NTN1: variants seen among roughly 807,000 people sequenced by gnomAD.
NTN1 encodes the protein netrin 1, also known as netrin-1.
Under a neutral mutation model 54.2 loss-of-function variants are expected in NTN1, and 11 were observed. That is an observed-to-expected ratio of 0.20 (90% CI 0.13 to 0.34). NTN1 has a LOEUF of 0.34. Among genes scored for constraint, NTN1 ranks in the 10% least tolerant of loss-of-function variants. The probability of loss-of-function intolerance (pLI) is 1.00; values close to 1 mark genes in which losing one functional copy is unlikely to be tolerated. For missense variants in NTN1, 740 were observed against 893.1 expected (o/e 0.83, Z 2.18); for synonymous variants, 371 against 382.0 (o/e 0.97, Z 0.33).
At chr17:9,044,150 T>C (rs1236737200) in intron 2 of NTN1, among the ~76,000 whole-genome samples, 5 of 152,194 alleles carry the variant, frequency 3.3e-5, no homozygotes, top group African/African-American at 1.2e-4. Context: ...CTGGAGTTAT[T>C]TATGAATTGG....
chr17:9,100,141 G>A (rs2092144940), intron 2 of NTN1, among the ~76,000 whole-genome samples: 1 of 150,656 alleles, frequency 6.6e-6, no homozygotes, highest in South Asian at 2.1e-4. Context: ...GAAGTTATTC[G>A]AAACATCTTG....
chr17:9,150,100 G>A (rs746639852), intron 2 of NTN1, among the ~76,000 whole-genome samples: 1 of 152,176 alleles, frequency 6.6e-6, no homozygotes, highest in Non-Finnish European at 1.5e-5. Flanking sequence ...CTACTTGGGA[G>A]GCTGAGGCAG....
chr17:9,078,057 T>TATCCATCCATCCATCC (rs111350777), intron 2 of NTN1, among the ~76,000 whole-genome samples: 1 of 151,522 alleles, frequency 6.6e-6, no homozygotes, highest in Non-Finnish European at 1.5e-5. Context: ...CCCATCCATC[T>TATCCATCCATCCATCC]ATCCATCCAT....
chr17:9,100,767 T>C (rs1299423485), intron 2 of NTN1, among the ~76,000 whole-genome samples: 1 of 151,880 alleles, frequency 6.6e-6, no homozygotes, highest in East Asian at 1.9e-4. Flanking sequence ...TTTCTATTTA[T>C]AGAGTTTTTT....
At chr17:9,127,076 G>GA (rs981472648) in intron 2 of NTN1, among the ~76,000 whole-genome samples, 12 of 146,460 alleles carry the variant, frequency 8.2e-5, no homozygotes, top group South Asian at 2.4e-4. Flanking sequence ...AGGGCCGGGG[G>GA]GGGGCAGGAC....
intron 2 of NTN1, among the ~76,000 whole-genome samples, chr17:9,119,176 A>AT (rs1555569564): frequency 6.0e-5 from 9 of 150,036 alleles, no homozygotes; most frequent in Non-Finnish European, 1.3e-4. Flanking sequence ...TTAAAAATGT[A>AT]TTATTTATTT....
chr17:9,125,157 G>T (rs887664100), intron 2 of NTN1, among the ~76,000 whole-genome samples: 2 of 151,984 alleles, frequency 1.3e-5, no homozygotes, highest in African/African-American at 4.8e-5. Context: ...AACCAGGTGG[G>T]CTCAAGCAGT....
chr17:9,063,791 G>C (rs540265474), intron 2 of NTN1, among the ~76,000 whole-genome samples: 1 of 150,680 alleles, frequency 6.6e-6, no homozygotes, highest in Non-Finnish European at 1.5e-5. Context: ...CTCGTGATCC[G>C]CCCGCCTCGG....
intron 6 of NTN1, among the ~76,000 whole-genome samples, chr17:9,230,455 C>CT (rs34827100): frequency 0.78 from 116,941 of 150,724 alleles, 45,502 homozygotes; most frequent in East Asian, 0.85. Flanking sequence ...GTGACCCCCC[C>CT]CCCGAGTGCC....
At position 9,212,947 on chromosome 17, in the gene NTN1, G is replaced by A. The variant is rs1004986066; in HGVS notation, c.1412-8221G>A. On this transcript the variant is annotated intron_variant, in intron 5 of 6. Coordinates refer to ENST00000173229, the MANE Select transcript of NTN1 (RefSeq NM_004822.3). The surrounding 1 kb of genome is among the most constrained non-coding windows in gnomAD (Gnocchi z 5.5). ...GCTCAGAGATGAGCCTCGATCCGGC[G>A]AGCAGGCCGGCTCAGCAGGATTTTG... Among the ~76,000 whole-genome samples the A allele has an allele frequency of 1.3e-5, 2 of 152,336 alleles. No homozygotes were observed. Among genetic ancestry groups the A allele is most frequent in the East Asian group, 1.9e-4 (1 of 5,172 alleles).
At chr17:9,184,574 C>G (rs192074527) in intron 5 of NTN1, among the ~76,000 whole-genome samples, 1 of 152,180 alleles carries the variant, frequency 6.6e-6, no homozygotes, top group Non-Finnish European at 1.5e-5. Flanking sequence ...GTGCACACCG[C>G]GGGGGGCTGA....
intron 5 of NTN1, among the ~76,000 whole-genome samples, chr17:9,196,133 G>A (rs1904628513): frequency 6.6e-6 from 1 of 152,200 alleles, no homozygotes; most frequent in African/African-American, 2.4e-5. Flanking sequence ...TGTGCTGCCA[G>A]CAGCTGGGCA....
intron 2 of NTN1, among the ~76,000 whole-genome samples, chr17:9,066,487 G>A (rs542380709): frequency 1.3e-5 from 2 of 152,022 alleles, no homozygotes; most frequent in East Asian, 1.9e-4. Context: ...AATTAGCCAG[G>A]TGTGGTGGTG....
chr17:9,210,582 C>T (rs955094740), intron 5 of NTN1, among the ~76,000 whole-genome samples: 1 of 152,112 alleles, frequency 6.6e-6, no homozygotes, highest in African/African-American at 2.4e-5. Flanking sequence ...AGGATTCCCA[C>T]CCCTTGTAAG....
intron 6 of NTN1, among the ~76,000 whole-genome samples, chr17:9,233,509 G>A (rs1410989340): frequency 6.6e-6 from 1 of 152,012 alleles, no homozygotes; most frequent in Non-Finnish European, 1.5e-5. Context: ...CTGGGGTGGT[G>A]ACAATGCAGG....
rs1032179135 is a variant in NTN1, at chr17:9,121,126, A to G, written c.1019-41687A>G. Among the ~76,000 whole-genome samples the G allele has an allele frequency of 3.0e-3, 449 of 152,024 alleles. 2 individuals carry two copies. The highest frequency in any genetic ancestry group is 0.01 in the African/African-American group (435 of 41,466). ...GGAAGCGGATGGCCCTGTCGGGGGG[A>G]GAGCTGGATGTCATCATTAAAAATC... On this transcript the variant is annotated intron_variant, in intron 2 of 6. Coordinates refer to ENST00000173229, the MANE Select transcript of NTN1 (RefSeq NM_004822.3).
At chr17:9,227,516 CCACACACATCAAACACAGATACACCAT>C (rs1237788696) in intron 6 of NTN1, among the ~76,000 whole-genome samples, 3 of 150,604 alleles carry the variant, frequency 2.0e-5, no homozygotes, top group Non-Finnish European at 4.4e-5. Context: ...ATCACACACA[CCACACACATCAAACACAGATACACCAT>C]CACACACAGG....
chr17:9,181,706 A>T (rs2092419384), intron 4 of NTN1, among the ~76,000 whole-genome samples: 1 of 152,172 alleles, frequency 6.6e-6, no homozygotes, highest in Admixed American at 6.5e-5. Flanking sequence ...GTCCTAGCTC[A>T]TCTAGAATCT....
At chr17:9,226,052 G>A (rs1270717833) in intron 6 of NTN1, among the ~76,000 whole-genome samples, 2 of 152,010 alleles carry the variant, frequency 1.3e-5, no homozygotes, top group African/African-American at 2.4e-5. Flanking sequence ...GGGCCTGTGG[G>A]CTCGGGGCGC....
Sources: gnomAD v4.1 joint callset for allele counts (sites outside exome capture counted in the v4.1 genomes callset) on GRCh38, gnomAD v4.1.1 for gene constraint, Gnocchi (gnomAD v3.1) non-coding constraint, MANE v1.5 for transcripts, NCBI Gene and HGNC (gene_info 2026-07-23, HGNC 2026-07-21) for gene names.